The following ZFR variants were observed in gnomAD, a reference collection of about 807,000 sequenced individuals.
ZFR encodes the protein zinc finger RNA-binding protein.
Under a neutral mutation model 130.7 loss-of-function variants are expected in ZFR, and 19 were observed. The ratio of observed to expected loss-of-function variants is 0.15; its 90% confidence interval spans 0.10 to 0.21. The LOEUF is 0.21. ZFR is among the 10% of genes least tolerant of loss of function. The pLI is 1.00. For synonymous variants in ZFR, 466 were observed against 456.9 expected (o/e 1.02, Z -0.25); for missense variants, 872 against 1,321.5 (o/e 0.66, Z 5.27).
At chr5:32,357,328 C>T (rs982579576) in intron 19 of ZFR, among the ~76,000 whole-genome samples, 5 of 152,204 alleles carry the variant, frequency 3.3e-5, no homozygotes, top group Admixed American at 6.5e-5. Flanking sequence ...TGCAGTGGCG[C>T]GATCTCAGCT....
intron 17 of ZFR, among the ~76,000 whole-genome samples, chr5:32,370,072 A>C (rs1752626870): frequency 2.6e-5 from 4 of 151,126 alleles, no homozygotes; most frequent in Non-Finnish European, 4.4e-5. Context: ...TTTCAACATT[A>C]ATCAATACAG....
At chr5:32,421,220 C>A (rs1262062411) in intron 2 of ZFR, among the ~76,000 whole-genome samples, 2 of 151,898 alleles carry the variant, frequency 1.3e-5, no homozygotes, top group Non-Finnish European at 2.9e-5. Flanking sequence ...GAAACACCTA[C>A]TAAAAAAAGA....
chr5:32,374,279 G>A (rs1398792141), intron 17 of ZFR, among the ~76,000 whole-genome samples: 1 of 152,122 alleles, frequency 6.6e-6, no homozygotes, highest in African/African-American at 2.4e-5. Context: ...GCCAAGGTGG[G>A]CGGATCACTT....
intron 8 of ZFR, among the ~76,000 whole-genome samples, chr5:32,401,339 A>G (rs945607216): frequency 4.6e-5 from 7 of 152,246 alleles, no homozygotes; most frequent in Non-Finnish European, 7.3e-5. Flanking sequence ...GATAAGCACT[A>G]TAAGAAGTAT....
intron 1 of ZFR, 138 bp downstream of exon 1, chr5:32,444,484 G>C (rs1754559154): frequency 1.5e-6 from 2 of 1,292,528 alleles, no homozygotes; most frequent in South Asian, 3.4e-5. Context: ...CTCCCGCCTC[G>C]CACTCCCTCA....
chr5:32,430,680 C>T (rs1250483232), intron 2 of ZFR, among the ~76,000 whole-genome samples: 1 of 151,992 alleles, frequency 6.6e-6, no homozygotes, highest in Non-Finnish European at 1.5e-5. Flanking sequence ...TAAAGAAAAA[C>T]TCTTATGAGC....
intron 5 of ZFR, among the ~76,000 whole-genome samples, chr5:32,411,873 T>C (rs1753721943): frequency 6.6e-6 from 1 of 152,078 alleles, no homozygotes; most frequent in Admixed American, 6.5e-5. Context: ...TCATTTTATA[T>C]ATGTGACTTG....
chr5:32,390,644 T>G (rs1028791957), intron 11 of ZFR, among the ~76,000 whole-genome samples: 17 of 152,266 alleles, frequency 1.1e-4, no homozygotes, highest in African/African-American at 4.1e-4. Context: ...AATTTCAGCC[T>G]GAGGAAAAAG....
At position 32,403,784 on chromosome 5, in the gene ZFR, A is replaced by G. The variant is rs560290048; in HGVS notation, c.1224+122T>C. ...CACCTTTATGTATTATTAGCACATA[A>G]GCAAGGCTTATAATGCACTTAAAAG... On this transcript the variant is annotated intron_variant, in intron 7 of 19. Coordinates refer to ENST00000265069, the MANE Select transcript of ZFR (RefSeq NM_016107.5). The G allele has an allele frequency of 2.7e-5, 23 of 842,456 alleles. No individual in the cohort carries two copies. In the East Asian group the frequency reaches 6.1e-4, roughly 22 times the overall value. 52.2% of individuals were successfully genotyped at this position (842,456 alleles called of 1,614,324 possible).
At chr5:32,421,792 T>C (rs906691892) in intron 2 of ZFR, among the ~76,000 whole-genome samples, 4 of 152,172 alleles carry the variant, frequency 2.6e-5, no homozygotes, top group Non-Finnish European at 4.4e-5. Flanking sequence ...GAGGTTTCCA[T>C]ATTTTGATAT....
At chr5:32,364,465 G>C (rs1025187578) in intron 17 of ZFR, 190 bp from the exon 18 acceptor site, 3 of 322,056 alleles carry the variant, frequency 9.3e-6, no homozygotes, top group Non-Finnish European at 1.7e-5. Context: ...GGGCACAGTG[G>C]CTCACGTCTG....
chr5:32,411,785 G>A (rs569992313), intron 5 of ZFR, among the ~76,000 whole-genome samples: 1 of 150,240 alleles, frequency 6.7e-6, no homozygotes, highest in Non-Finnish European at 1.5e-5. Flanking sequence ...CACTTACATG[G>A]TATTAGGTAC....
intron 12 of ZFR, among the ~76,000 whole-genome samples, chr5:32,389,436 G>C (rs1356886429): frequency 6.6e-6 from 1 of 152,106 alleles, no homozygotes; most frequent in Non-Finnish European, 1.5e-5. Flanking sequence ...TTTCACCTTG[G>C]TCTTCCTAAA....
At chr5:32,407,624 A>G (rs1317855297) in intron 5 of ZFR, among the ~76,000 whole-genome samples, 1 of 152,070 alleles carries the variant, frequency 6.6e-6, no homozygotes, top group Non-Finnish European at 1.5e-5. Flanking sequence ...GTTTAGCAGA[A>G]GTTTGTGATG....
intron 2 of ZFR, among the ~76,000 whole-genome samples, chr5:32,435,654 C>A (rs1393198002): frequency 2.6e-4 from 40 of 152,130 alleles, no homozygotes; most frequent in Admixed American, 2.6e-3. Context: ...TTGTTTTTCC[C>A]ATCAAAAAGG....
chr5:32,388,667 C>T lies in ZFR; in HGVS notation c.2150G>A (p.Arg717His), dbSNP rs377723948. The change falls in exon 13 of 20, where the codon CGT becomes CAT. Residue 717 changes from arginine (R) to histidine (H), a missense_variant. By Grantham distance (29) the Arg-to-His change is conservative. Transcript: ENST00000265069. ...PPQPQGPAPL[R>H]RPDSSDDRYV... ...ACGGTCATCAGATGAGTCAGGACGA[C>T]GTAAGGGCTACAGAGAAACAAAGTT... is the stretch of plus-strand genomic sequence containing the variant. The T allele has an allele frequency of 5.3e-5, 85 of 1,611,782 alleles. No homozygotes were observed. The highest frequency in any genetic ancestry group is 1.6e-4 in the Middle Eastern group (1 of 6,070).
chr5:32,441,915 G>A (rs1754483887), intron 2 of ZFR, among the ~76,000 whole-genome samples: 1 of 150,850 alleles, frequency 6.6e-6, no homozygotes, highest in Admixed American at 6.6e-5. Context: ...TTAGTAACCT[G>A]GATTGTTGTT....
chr5:32,366,835 A>G (rs1752557435), intron 17 of ZFR, among the ~76,000 whole-genome samples: 1 of 152,030 alleles, frequency 6.6e-6, no homozygotes, highest in Non-Finnish European at 1.5e-5. Context: ...ATATTAAATG[A>G]TTAAAAAAAT....
At chr5:32,380,741 T>C (rs191417890) in intron 15 of ZFR, among the ~76,000 whole-genome samples, 49 of 145,832 alleles carry the variant, frequency 3.4e-4, no homozygotes, top group African/African-American at 1.1e-3. Context: ...CTCGGCCTCC[T>C]GGGTTCAAGC....
Sources: allele counts gnomAD v4.1 joint callset (sites outside exome capture counted in the v4.1 genomes callset), GRCh38; gene constraint gnomAD v4.1.1; transcripts MANE v1.5; gene names NCBI Gene and HGNC (gene_info 2026-07-23, HGNC 2026-07-21).